ZNF585A: variants seen among roughly 807,000 people sequenced by gnomAD.
The protein encoded by ZNF585A is zinc finger protein 585A.
ZNF585A carries 9 observed loss-of-function variants against 14.9 expected under a neutral mutation model. The ratio of observed to expected loss-of-function variants is 0.60; its 90% CI spans 0.36 to 1.05. The LOEUF is 1.05. Ranked by LOEUF, ZNF585A falls within the 50% of genes least tolerant of loss-of-function variation. The pLI, the probability that ZNF585A is intolerant of heterozygous loss-of-function variation, is 0.01. For synonymous variants in ZNF585A, 276 were observed against 319.9 expected (o/e 0.86, Z 1.46); for missense variants, 726 against 926.4 (o/e 0.78, Z 2.81).
chr19:37,165,604 G>A, intron 2 of ZNF585A: 1 of 980,880 alleles, frequency 1.0e-6, no homozygotes, highest in Non-Finnish European at 1.2e-6. Context: ...CTAGGCTATT[G>A]TTTTCTTCTA....
In ZNF585A at chr19:37,153,288, T is replaced by A. The variant is rs1267251337; in HGVS notation, c.611A>T (p.His204Leu). The change falls in exon 5 of 5, where the codon CAT becomes CTT. Residue 204 changes from histidine (H) to leucine (L), a missense_variant. Around this residue, in one of 2 missense-constraint regions of ZNF585A, gnomAD observed 483 missense variants for 542.8 expected, o/e 0.89. Coordinates refer to ENST00000292841, the MANE Select transcript of ZNF585A (RefSeq NM_001288800.2). ...TTTCTCTCCGGTATGAATTCTCTGA[T>A]GCCTGAAGAGGGACGACACTTGAAA... The part of the protein sequence containing the change: ...SFFQVSSLFR[H>L]QRIHTGEKLY... 2 of 1,614,100 alleles carry A rather than the reference T, an allele frequency of 1.2e-6. No individual in the cohort carries two copies. Among genetic ancestry groups the A allele is most frequent in the African/African-American group, 1.3e-5 (1 of 74,940 alleles).
intron 4 of ZNF585A, among the ~76,000 whole-genome samples, chr19:37,154,791 C>T (rs1175990619): frequency 8.6e-6 from 1 of 116,832 alleles, no homozygotes; most frequent in African/African-American, 3.6e-5. Flanking sequence ...AGGCATCTCA[C>T]AGTAAAAAAA....
intron 1 of ZNF585A, 33 bp from the exon 2 acceptor site, chr19:37,170,087 T>C: frequency 1.5e-6 from 1 of 661,896 alleles, no homozygotes; most frequent in Non-Finnish European, 2.5e-6. Context: ...GTCAGTCATT[T>C]CACATTCAAC....
chr19:37,152,525 T>A lies in ZNF585A; in HGVS notation c.1374A>T (p.Arg458=). The A allele has an allele frequency of 6.2e-7, 1 of 1,614,200 alleles. No homozygotes were observed. Residue 458 remains arginine (R), a synonymous_variant, in exon 5 of 5, where the codon CGA becomes CGT. Coordinates refer to ENST00000292841, the MANE Select transcript of ZNF585A (RefSeq NM_001288800.2). Reference sequence around the variant, plus strand: ...TATAGGGCTTTTCTCCTGTGTGAATTCGTTTATGAACATGGAGTTGCGACT... The same window carrying A: ...TATAGGGCTTTTCTCCTGTGTGAATACGTTTATGAACATGGAGTTGCGACT... The part of the protein sequence containing the change: ...TSKSQLHVHK[R]IHTGEKPYMC...
chr19:37,171,454 G>A (rs73930914), intron 1 of ZNF585A, among the ~76,000 whole-genome samples: 48 of 152,298 alleles, frequency 3.2e-4, no homozygotes, highest in African/African-American at 1.1e-3. Context: ...GGAGCAATTA[G>A]ATATAATTTT....
chr19:37,170,062 G>A lies in ZNF585A; in HGVS notation c.-144-8C>T, dbSNP rs769982752. 15 of 785,534 alleles carry A rather than the reference G, an allele frequency of 1.9e-5. No homozygotes were observed. The highest frequency in any genetic ancestry group is 2.4e-4 in the Middle Eastern group (1 of 4,100). 48.7% of individuals were successfully genotyped at this position (785,534 alleles called of 1,614,324 possible). ...CCAGAGACACCCAGAAACCTGGAAA[G>A]ACAATGTTCCCATAGTCAGTCATTT... On this transcript the variant is annotated splice_polypyrimidine_tract_variant and splice_region_variant and intron_variant, in intron 1 of 4. Coordinates refer to ENST00000292841, the MANE Select transcript of ZNF585A (RefSeq NM_001288800.2).
rs1568490373 is a variant in ZNF585A, at chr19:37,146,934, CCA to C, written c.*4653_*4654del. Reference sequence around the variant, plus strand: ...AATTAGAGGACCCAAACCCACCCCACCAACTTCCCCACACATGTTACCAATCT... The same window carrying C: ...AATTAGAGGACCCAAACCCACCCCACACTTCCCCACACATGTTACCAATCT... On this transcript the variant is annotated 3_prime_UTR_variant, in exon 5 of 5. Transcript: ENST00000292841. The C allele has an allele frequency of 9.1e-6, 1 of 109,410 alleles. No individual in the cohort carries two copies. Among genetic ancestry groups the C allele is most frequent in the African/African-American group, 4.2e-5 (1 of 23,898 alleles). 6.8% of individuals were successfully genotyped at this position (109,410 alleles called of 1,614,324 possible).
Position 37,147,091 on chromosome 19 carries a change from CAA to C in ZNF585A, c.*4496_*4497del, listed in dbSNP as rs1249608112. On this transcript the variant is annotated 3_prime_UTR_variant, in exon 5 of 5. Coordinates refer to ENST00000292841, the MANE Select transcript of ZNF585A (RefSeq NM_001288800.2). ...TGGTATACAGCAGAAACAGGACAGA[CAA>C]AGTCTGGTTCTCATGAGGCTGATGG... The C allele has an allele frequency of 6.6e-6, 1 of 152,156 alleles. No homozygotes were observed. The highest frequency in any genetic ancestry group is 2.4e-5 in the African/African-American group (1 of 41,420). The allele number at this position is 152,156 out of a possible 1,614,324, so 9.4% of individuals were successfully genotyped here. A position where few individuals can be genotyped will look rare whatever the true frequency, so the allele number is the denominator to read the frequency against.
rs1971766773 is a variant in ZNF585A at position 37,147,964 on chromosome 19, A to G, written c.*3625T>C. Reference sequence around the variant, plus strand: ...GTTACTTCCTAATTTGGGCAATTATACAATTGCTGTGAACATCTGAGTATA... The same window carrying G: ...GTTACTTCCTAATTTGGGCAATTATGCAATTGCTGTGAACATCTGAGTATA... On this transcript the variant is annotated 3_prime_UTR_variant, in exon 5 of 5. Coordinates refer to ENST00000292841, the MANE Select transcript of ZNF585A (RefSeq NM_001288800.2). 6.6e-6 allele frequency: 1 copy of G among 152,238 alleles called. No homozygotes were observed. The highest frequency in any genetic ancestry group is 2.1e-4 in the South Asian group (1 of 4,836). 9.4% of individuals were successfully genotyped at this position (152,238 alleles called of 1,614,324 possible).
At chr19:37,171,303 T>C (rs2145420234) in intron 1 of ZNF585A, among the ~76,000 whole-genome samples, 1 of 152,310 alleles carries the variant, frequency 6.6e-6, no homozygotes, top group African/African-American at 2.4e-5. Flanking sequence ...TCAGATACTT[T>C]TGATTAGATG....
At chr19:37,168,693 T>C (rs1972134623) in intron 2 of ZNF585A, among the ~76,000 whole-genome samples, 1 of 152,196 alleles carries the variant, frequency 6.6e-6, no homozygotes, top group Non-Finnish European at 1.5e-5. Context: ...TCTTATTACC[T>C]GTGACTAAAA....
At position 37,150,748 on chromosome 19, in the gene ZNF585A, GAA is replaced by G. The variant is rs371643138; in HGVS notation, c.*839_*840del. ...TAAGCTTCAAGTCAGTGATGAGTAC[GAA>G]AAAAAAAAAAAGGCAACTGAGTTGG... On this transcript the variant is annotated 3_prime_UTR_variant, in exon 5 of 5. Coordinates refer to ENST00000292841, the MANE Select transcript of ZNF585A (RefSeq NM_001288800.2). The G allele has an allele frequency of 5.7e-5, 8 of 139,434 alleles. No homozygotes were observed. The Middle Eastern group carries it at 2.1e-3, about 36-fold the overall frequency. 8.6% of individuals were successfully genotyped at this position (139,434 alleles called of 1,614,324 possible).
intron 2 of ZNF585A, among the ~76,000 whole-genome samples, chr19:37,168,801 TTACC>T (rs1326943454): frequency 6.6e-6 from 1 of 152,216 alleles, no homozygotes; most frequent in Non-Finnish European, 1.5e-5. Flanking sequence ...GAGCTGTATT[TTACC>T]AAACAAATAT....
At chr19:37,167,572 G>A (rs888727482) in intron 2 of ZNF585A, among the ~76,000 whole-genome samples, 14 of 150,692 alleles carry the variant, frequency 9.3e-5, no homozygotes, top group African/African-American at 3.4e-4. Context: ...CGTTGTGTAA[G>A]AGCCTTTTAC....
chr19:37,154,027 T>A (rs1971884217), intron 4 of ZNF585A, among the ~76,000 whole-genome samples: 2 of 152,156 alleles, frequency 1.3e-5, no homozygotes, highest in Admixed American at 1.3e-4. Flanking sequence ...GAATCTAAAC[T>A]CCGCTCAAAT....
chr19:37,151,848 T>C lies in ZNF585A; in HGVS notation c.2051A>G (p.His684Arg). The change falls in exon 5 of 5, where the codon CAT becomes CGT. Residue 684 changes from histidine to arginine, a missense_variant. By Grantham distance (29) the His-to-Arg change is conservative (BLOSUM62 0). Around this residue, in one of 2 missense-constraint regions of ZNF585A, gnomAD observed 243 missense variants for 383.6 expected, o/e 0.63. Transcript: ENST00000292841. ...GCACTCATAAGGTTTCTCTCCAGTATGAATTCTGTGATGTGTAATCAACTC... is the reference window on the plus strand; with the variant it reads ...GCACTCATAAGGTTTCTCTCCAGTACGAATTCTGTGATGTGTAATCAACTC... ...KSELITHHRI[H>R]TGEKPYECSD... The C allele has an allele frequency of 6.2e-7, 1 of 1,612,378 alleles. No individual in the cohort carries two copies.
Position 37,156,245 on chromosome 19 carries a change from G to A in ZNF585A, c.183C>T (p.Ser61=). 1 of 1,614,156 alleles carries A rather than the reference G, an allele frequency of 6.2e-7. No homozygotes were observed. Among genetic ancestry groups the A allele is most frequent in the South Asian group, 1.1e-5 (1 of 91,074 alleles). ...TGTGCTTACCTACTGAGAGCAGGTG[G>A]CTGTAGGTCTCCAGCATCACATCCC... ...LYRDVMLETY[S]HLLSVGYQVP... The change falls in exon 3 of 5, where the codon AGC becomes AGT. Residue 61 remains serine (S), a synonymous_variant. Transcript: ENST00000292841.
rs184833537 is a variant in ZNF585A at position 37,149,978 on chromosome 19, T to C, written c.*1611A>G. On this transcript the variant is annotated 3_prime_UTR_variant, in exon 5 of 5. Coordinates refer to ENST00000292841, the MANE Select transcript of ZNF585A (RefSeq NM_001288800.2). ...GTGGGAAATTGGGAATCAGCAGACA[T>C]TGGGTTAACGGGACAATGGGGAGCC... 1.3e-5 allele frequency: 2 copies of C among 152,124 alleles called. No homozygotes were observed. Among genetic ancestry groups the C allele is most frequent in the East Asian group, 3.9e-4 (2 of 5,162 alleles). The allele number at this position is 152,124 out of a possible 1,614,324, so 9.4% of individuals were successfully genotyped here. A position where few individuals can be genotyped will look rare whatever the true frequency, so the allele number is the denominator to read the frequency against.
intron 3 of ZNF585A, 57 bp from the exon 4 acceptor site, chr19:37,156,014 C>T: frequency 4.4e-6 from 7 of 1,607,828 alleles, no homozygotes; most frequent in Admixed American, 1.7e-5. Context: ...CAGGGCCCAA[C>T]CAATAATCTC....
Sources: allele counts gnomAD v4.1 joint callset (sites outside exome capture counted in the v4.1 genomes callset), GRCh38; gene constraint gnomAD v4.1.1; regional missense constraint gnomAD v4.1.1; transcripts MANE v1.5; gene names NCBI Gene and HGNC (gene_info 2026-07-23, HGNC 2026-07-21).